Variants in CSMD1 observed in about 807,000 individuals in gnomAD.
CSMD1 encodes the protein CUB and Sushi multiple domains 1, also known as CUB and sushi domain-containing protein 1.
Under a neutral mutation model 417.5 loss-of-function variants are expected in CSMD1, and 213 were observed. The ratio of observed to expected loss-of-function variants is 0.51; its 90% CI spans 0.46 to 0.57. The LOEUF (loss-of-function observed/expected upper bound fraction) is 0.57, where lower values mean the gene tolerates loss of function less well. Among genes scored for constraint, CSMD1 ranks in the 20% least tolerant of loss-of-function variants. CSMD1 has a pLI of 0.00. For synonymous variants in CSMD1, 2,862 were observed against 1,736.8 expected, an observed-to-expected ratio of 1.65 and a Z score of -16.11; for missense variants, 6,923 against 4,529.7, an observed-to-expected ratio of 1.53 and a Z score of -15.17.
At chr8:4,148,148 G>A (rs1714820) in intron 3 of CSMD1, among the ~76,000 whole-genome samples, 26,991 of 152,028 alleles carry the variant, frequency 0.18, 2,649 homozygotes, top group East Asian at 0.3. Flanking sequence ...GCTCAACTTA[G>A]AGTCAATAAC....
At chr8:4,895,320 C>G (rs184419221) in intron 1 of CSMD1, among the ~76,000 whole-genome samples, 1 of 152,238 alleles carries the variant, frequency 6.6e-6, no homozygotes, top group East Asian at 1.9e-4. Context: ...GTCTTTGTTT[C>G]TCTCCAATAT....
chr8:3,297,711 C>G (rs898739845), intron 25 of CSMD1, among the ~76,000 whole-genome samples: 36 of 152,024 alleles, frequency 2.4e-4, no homozygotes, highest in Non-Finnish European at 1.2e-4. Flanking sequence ...AGAAGAAAAC[C>G]TAAGATAATA....
chr8:3,814,030 G>C (rs1250492783), intron 5 of CSMD1, among the ~76,000 whole-genome samples: 3 of 152,156 alleles, frequency 2.0e-5, no homozygotes, highest in Admixed American at 1.3e-4. Flanking sequence ...ATTAAAAACT[G>C]TCTTTAAAAT....
intron 5 of CSMD1, among the ~76,000 whole-genome samples, chr8:3,963,087 C>T (rs1383281141): frequency 6.6e-6 from 1 of 152,090 alleles, no homozygotes; most frequent in Non-Finnish European, 1.5e-5. Context: ...TGCACAACCA[C>T]GTCTGGCTAA....
intron 2 of CSMD1, among the ~76,000 whole-genome samples, chr8:4,474,717 T>C (rs183017292): frequency 6.6e-6 from 1 of 152,140 alleles, no homozygotes; most frequent in Non-Finnish European, 1.5e-5. Context: ...ACGTGGACTT[T>C]CTTCTCCCTC....
chr8:2,990,588 C>T (rs1332714933), intron 54 of CSMD1, among the ~76,000 whole-genome samples: 1 of 152,130 alleles, frequency 6.6e-6, no homozygotes, highest in Non-Finnish European at 1.5e-5. Context: ...ACATTATCGG[C>T]GAAAGCAGGA....
chr8:4,132,854 T>G (rs1048668016), intron 3 of CSMD1, among the ~76,000 whole-genome samples: 5 of 152,196 alleles, frequency 3.3e-5, no homozygotes, highest in African/African-American at 1.2e-4. Flanking sequence ...TCAAGACAAC[T>G]AGGATATATG....
chr8:3,150,458 A>G (rs532297114), intron 40 of CSMD1, among the ~76,000 whole-genome samples: 1 of 152,320 alleles, frequency 6.6e-6, no homozygotes, highest in African/African-American at 2.4e-5. Context: ...CTGCTGAGCA[A>G]GTCCACCCTG....
At chr8:3,835,500 T>C (rs1029417480) in intron 5 of CSMD1, among the ~76,000 whole-genome samples, 18 of 151,730 alleles carry the variant, frequency 1.2e-4, no homozygotes, top group Non-Finnish European at 2.4e-4. Flanking sequence ...TTCTCACTCA[T>C]AGCTGGGAAT....
intron 5 of CSMD1, among the ~76,000 whole-genome samples, chr8:3,849,732 T>A (rs185326999): frequency 1.3e-5 from 2 of 152,304 alleles, no homozygotes. Context: ...GTAAACTCAA[T>A]CTTTATGAAG....
chr8:4,787,598 A>G (rs1455613534), intron 1 of CSMD1: 3 of 1,543,886 alleles, frequency 1.9e-6, no homozygotes, highest in Admixed American at 1.7e-5. Context: ...AATGATTCCA[A>G]TTGAATGGGT....
chr8:3,860,084 G>A (rs888849138), intron 5 of CSMD1, among the ~76,000 whole-genome samples: 1 of 151,920 alleles, frequency 6.6e-6, no homozygotes, highest in Non-Finnish European at 1.5e-5. Context: ...GTGGATAATA[G>A]GTCACACTTT....
At chr8:4,370,908 G>A (rs946268800) in intron 3 of CSMD1, among the ~76,000 whole-genome samples, 12 of 152,158 alleles carry the variant, frequency 7.9e-5, no homozygotes, top group Admixed American at 3.3e-4. Context: ...AGATTCTGAA[G>A]TCTATGTCTG....
intron 12 of CSMD1, among the ~76,000 whole-genome samples, chr8:3,438,565 C>T (rs1814726397): frequency 6.6e-6 from 1 of 152,174 alleles, no homozygotes; most frequent in Non-Finnish European, 1.5e-5. Flanking sequence ...CAAGTTGGTG[C>T]TTGTATCAAT....
chr8:3,485,555 A>AGAGC (rs1188804252), intron 11 of CSMD1, among the ~76,000 whole-genome samples: 5 of 151,298 alleles, frequency 3.3e-5, no homozygotes, highest in Non-Finnish European at 7.4e-5. Flanking sequence ...AGAGAGAGAG[A>AGAGC]GAGAGAGAGG....
At chr8:3,692,149 C>A (rs1274936478) in intron 7 of CSMD1, among the ~76,000 whole-genome samples, 1 of 152,202 alleles carries the variant, frequency 6.6e-6, no homozygotes, top group African/African-American at 2.4e-5. Flanking sequence ...ATCCCAGCCG[C>A]TAATGACCAT....
chr8:3,270,248 G>A (rs1292879504), intron 26 of CSMD1, among the ~76,000 whole-genome samples: 1 of 151,994 alleles, frequency 6.6e-6, no homozygotes, highest in South Asian at 2.1e-4. Context: ...AGTAGAGATG[G>A]GGTATCACCA....
At chr8:3,003,500 T>C (rs1399770309) in intron 52 of CSMD1, among the ~76,000 whole-genome samples, 1 of 152,226 alleles carries the variant, frequency 6.6e-6, no homozygotes, top group African/African-American at 2.4e-5. Flanking sequence ...AGAAACAGAA[T>C]AACCTCACCA....
intron 12 of CSMD1, among the ~76,000 whole-genome samples, chr8:3,460,967 A>G (rs79466349): frequency 0.028 from 4,243 of 152,250 alleles, 106 homozygotes; most frequent in East Asian, 0.12. Context: ...GGGCAGTAAC[A>G]ATAAGTTTGT....
Sources: gnomAD v4.1 joint callset for allele counts (sites outside exome capture counted in the v4.1 genomes callset) on GRCh38, gnomAD v4.1.1 for gene constraint, MANE v1.5 for transcripts, NCBI Gene and HGNC (gene_info 2026-07-23, HGNC 2026-07-21) for gene names.